The following ADAM7 variants were observed in gnomAD, a reference collection of about 807,000 sequenced individuals.
The protein encoded by ADAM7 is disintegrin and metalloproteinase domain-containing protein 7.
In ADAM7, 97 loss-of-function variants were observed where a neutral mutation model predicts 102.9. The observed-to-expected ratio is 0.94, with a 90% CI of 0.80 to 1.12. The LOEUF is 1.12. Among genes scored for constraint, ADAM7 ranks in the 50% most tolerant of loss-of-function variants. The probability of loss-of-function intolerance (pLI) is 0.00; values close to 1 mark genes in which losing one functional copy is unlikely to be tolerated. For synonymous variants in ADAM7, 334 were observed against 304.4 expected (o/e 1.10, Z -1.01); for missense variants, 991 against 908.7 (o/e 1.09, Z -1.16).
intron 9 of ADAM7, 133 bp from the exon 10 acceptor site, chr8:24,485,144 C>A: frequency 1.3e-6 from 1 of 782,304 alleles, no homozygotes; most frequent in Non-Finnish European, 2.1e-6. Context: ...AGCCTCAATT[C>A]CAAAACTCCA....
At chr8:24,508,489 C>T in intron 21 of ADAM7, 57 bp from the exon 22 acceptor site, 1 of 1,546,508 alleles carries the variant, frequency 6.5e-7, no homozygotes, top group East Asian at 2.3e-5. Context: ...AATGGAAATA[C>T]ATGGTTCACA....
Position 24,489,271 on chromosome 8 carries a change from T to C in ADAM7, c.1204T>C (p.Phe402Leu). Residue 402 changes from phenylalanine (F) to leucine (L), a missense_variant, in exon 12 of 22, where the codon TTC becomes CTC. Transcript: ENST00000175238. ...TCCATTTCCTTACAATTTTCATGAT[T>C]TCCAATTTTGTGGAAACAAGAAGTT... ...NIPFPYNFHD[F>L]QFCGNKKLDE... is the part of the protein sequence containing the mutation. The C allele has an allele frequency of 6.2e-7, 1 of 1,613,640 alleles. No individual in the cohort carries two copies.
chr8:24,454,316 C>T (rs1818917919), intron 3 of ADAM7, among the ~76,000 whole-genome samples: 2 of 152,374 alleles, frequency 1.3e-5, no homozygotes, highest in Middle Eastern at 3.4e-3. Flanking sequence ...CCAGTTCGAG[C>T]TTCCTGGCTG....
chr8:24,452,278 G>T (rs1388351418), intron 3 of ADAM7, among the ~76,000 whole-genome samples: 1 of 150,044 alleles, frequency 6.7e-6, no homozygotes, highest in South Asian at 2.2e-4. Flanking sequence ...TTATTGTGTG[G>T]GAGTCTAAGT....
chr8:24,449,833 G>A lies in ADAM7; in HGVS notation c.233+2571G>A, dbSNP rs140563023. Among the ~76,000 whole-genome samples, 956 of 152,294 alleles carry A rather than the reference G, an allele frequency of 6.3e-3. 4 individuals are homozygous for A. Among genetic ancestry groups the A allele is most frequent in the African/African-American group, 0.022 (909 of 41,550 alleles). Reference sequence around the variant, plus strand: ...TCCTGAATTAATTTTTGTATAAGGTGTAAAGAAGAGATCCAGTTTCAGCTT... The same window carrying A: ...TCCTGAATTAATTTTTGTATAAGGTATAAAGAAGAGATCCAGTTTCAGCTT... On this transcript the variant is annotated intron_variant, in intron 3 of 21. Coordinates refer to ENST00000175238, the MANE Select transcript of ADAM7 (RefSeq NM_003817.4).
intron 8 of ADAM7, among the ~76,000 whole-genome samples, chr8:24,478,001 CTTGT>C (rs1265452355): frequency 2.0e-5 from 3 of 151,656 alleles, no homozygotes; most frequent in Admixed American, 6.6e-5. Context: ...TCTTTTCAAG[CTTGT>C]TTTTCACTAT....
intron 13 of ADAM7, among the ~76,000 whole-genome samples, chr8:24,491,520 T>G (rs1820353441): frequency 6.6e-6 from 1 of 152,166 alleles, no homozygotes; most frequent in Non-Finnish European, 1.5e-5. Context: ...TCTGATTTAT[T>G]GGGACTGGAG....
intron 16 of ADAM7, among the ~76,000 whole-genome samples, chr8:24,496,080 A>G (rs1820542903): frequency 6.6e-6 from 1 of 152,176 alleles, no homozygotes; most frequent in Non-Finnish European, 1.5e-5. Context: ...TGCTGTGTGC[A>G]GTTTAGGGAC....
intron 1 of ADAM7, among the ~76,000 whole-genome samples, chr8:24,441,396 G>A (rs115125495): frequency 6.6e-6 from 1 of 152,338 alleles, no homozygotes; most frequent in African/African-American, 2.4e-5. Flanking sequence ...CTGCATATCT[G>A]CAGCATGGCA....
Position 24,505,829 on chromosome 8 carries a change from G to A in ADAM7, c.2209-1651G>A, listed in dbSNP as rs539572382. On this transcript the variant is annotated intron_variant, in intron 20 of 21. Transcript: ENST00000175238. ...TTCTCAAAGACATTCAAGGCCCAAA[G>A]GAATGTGGCTGGTTAGGGAATTTCA... Among the ~76,000 whole-genome samples the A allele has an allele frequency of 3.9e-5, 6 of 152,230 alleles. No homozygotes were observed. In the East Asian group the frequency reaches 9.7e-4, roughly 24 times the overall value.
intron 7 of ADAM7, among the ~76,000 whole-genome samples, chr8:24,471,439 G>C (rs918324288): frequency 6.7e-6 from 1 of 149,226 alleles, no homozygotes; most frequent in Non-Finnish European, 1.5e-5. Context: ...TCCATTCATG[G>C]TAAGTTCCCT....
chr8:24,506,203 A>C, intron 20 of ADAM7: 1 of 1,384,692 alleles, frequency 7.2e-7, no homozygotes, highest in Admixed American at 2.4e-5. Context: ...TGTCCTTTCC[A>C]ATAATAATTT....
rs1458256789 is a variant in ADAM7 at position 24,492,477 on chromosome 8, T to C, written c.1553-18T>C. On this transcript the variant is annotated intron_variant, in intron 14 of 21. Transcript: ENST00000175238. ...GTCATGCTTTATTGTTTTACTTTTATACCATTTTTTACCCCAGAGGCAATA... is the reference window on the plus strand; with the variant it reads ...GTCATGCTTTATTGTTTTACTTTTACACCATTTTTTACCCCAGAGGCAATA... 2 of 1,539,342 alleles carry C rather than the reference T, an allele frequency of 1.3e-6. No individual in the cohort carries two copies. Among genetic ancestry groups the C allele is most frequent in the African/African-American group, 1.4e-5 (1 of 72,624 alleles).
At chr8:24,476,608 G>A in intron 8 of ADAM7, 104 bp downstream of exon 8, 2 of 774,028 alleles carry the variant, frequency 2.6e-6, no homozygotes, top group Non-Finnish European at 4.0e-6. Flanking sequence ...TATTAAGGGA[G>A]TACAAAGCAC....
At chr8:24,460,765 GTGTATA>G (rs1352031936) in intron 3 of ADAM7, among the ~76,000 whole-genome samples, 11 of 149,234 alleles carry the variant, frequency 7.4e-5, no homozygotes, top group African/African-American at 2.0e-4. Flanking sequence ...GTGTGTGTGT[GTGTATA>G]TATATATATA....
intron 3 of ADAM7, among the ~76,000 whole-genome samples, chr8:24,458,000 C>T (rs1483387701): frequency 6.6e-6 from 1 of 152,038 alleles, no homozygotes; most frequent in Non-Finnish European, 1.5e-5. Context: ...TTGGCACCTT[C>T]GGCCAAAATC....
intron 2 of ADAM7, among the ~76,000 whole-genome samples, chr8:24,443,754 A>G (rs1034598039): frequency 3.9e-5 from 6 of 152,122 alleles, no homozygotes; most frequent in African/African-American, 7.2e-5. Context: ...CCTGGCCAAC[A>G]TGGTGAAACC....
chr8:24,482,660 G>A (rs547268669), intron 9 of ADAM7, among the ~76,000 whole-genome samples: 38 of 152,182 alleles, frequency 2.5e-4, no homozygotes, highest in African/African-American at 8.2e-4. Flanking sequence ...GAGGCTGGAG[G>A]ATCTCTTGAA....
chr8:24,500,057 A>G (rs1585928151), intron 17 of ADAM7, 121 bp from the exon 18 acceptor site: 2 of 697,270 alleles, frequency 2.9e-6, no homozygotes, highest in East Asian at 3.0e-5. Context: ...AAACGAATAA[A>G]AAGTTCGCGC....
Sources: gnomAD v4.1 joint callset for allele counts (sites outside exome capture counted in the v4.1 genomes callset) on GRCh38, gnomAD v4.1.1 for gene constraint, MANE v1.5 for transcripts, NCBI Gene and HGNC (gene_info 2026-07-23, HGNC 2026-07-21) for gene names.